The following TEAD1 variants were observed in gnomAD, a reference collection of about 807,000 sequenced individuals.
The protein encoded by TEAD1 is TEA domain transcription factor 1.
In TEAD1, 9 loss-of-function variants were observed where a neutral mutation model predicts 54.9. That is an observed-to-expected ratio of 0.16 (90% CI 0.10 to 0.29). The LOEUF is 0.29. Among genes scored for constraint, TEAD1 ranks in the 10% least tolerant of loss-of-function variants. TEAD1 has a pLI of 1.00. For synonymous variants in TEAD1, 200 were observed against 187.8 expected (o/e 1.07, Z -0.53); for missense variants, 387 against 535.9 (o/e 0.72, Z 2.74).
chr11:12,679,593 T>C (rs889040109), intron 2 of TEAD1, among the ~76,000 whole-genome samples: 7 of 152,212 alleles, frequency 4.6e-5, no homozygotes, highest in African/African-American at 1.7e-4. Flanking sequence ...TGAGAACATA[T>C]TGAACTTATA....
chr11:12,828,336 G>T (rs1946698920), intron 3 of TEAD1: 1 of 152,198 alleles, frequency 6.6e-6, no homozygotes, highest in African/African-American at 2.4e-5. Context: ...TGATGGCGCT[G>T]TATGTTCATA....
At chr11:12,686,455 A>AT (rs1293435326) in intron 2 of TEAD1, among the ~76,000 whole-genome samples, 1 of 152,292 alleles carries the variant, frequency 6.6e-6, no homozygotes, top group African/African-American at 2.4e-5. Context: ...ACTCATAAGT[A>AT]TTTTTTTAAA....
chr11:12,783,595 A>T (rs1243499010), intron 3 of TEAD1, among the ~76,000 whole-genome samples: 2 of 152,186 alleles, frequency 1.3e-5, no homozygotes, highest in Non-Finnish European at 2.9e-5. Context: ...TCACACACTG[A>T]CACTCAAGGT....
intron 5 of TEAD1, among the ~76,000 whole-genome samples, chr11:12,878,247 C>A (rs577709257): frequency 7.9e-5 from 12 of 152,208 alleles, no homozygotes; most frequent in African/African-American, 2.9e-4. Flanking sequence ...TCTTAGAAGC[C>A]CTTAGCAGTT....
chr11:12,926,839 T>C (rs879620316), intron 11 of TEAD1, among the ~76,000 whole-genome samples: 2 of 152,126 alleles, frequency 1.3e-5, no homozygotes, highest in Non-Finnish European at 2.9e-5. Flanking sequence ...AAGGTGGCTG[T>C]ATCATGAAAC....
At position 12,744,150 on chromosome 11, in the gene TEAD1, T is replaced by C. The variant is rs191370388; in HGVS notation, c.-54-20029T>C. On this transcript the variant is annotated intron_variant, in intron 2 of 12. Coordinates refer to ENST00000527636, the MANE Select transcript of TEAD1 (RefSeq NM_021961.6). ...GCGTTTGGACAGTGTCACATTAGAA[T>C]TTAGGGCTATTTAGAAAGCACTGAG... 5.9e-5 allele frequency among the ~76,000 whole-genome samples: 9 copies of C among 152,336 alleles called. No individual in the cohort carries two copies. In the East Asian group the frequency reaches 1.7e-3, roughly 29 times the overall value.
chr11:12,749,023 C>T (rs1459683210), intron 2 of TEAD1, among the ~76,000 whole-genome samples: 1 of 152,084 alleles, frequency 6.6e-6, no homozygotes, highest in Non-Finnish European at 1.5e-5. Flanking sequence ...TCTCCCAGGA[C>T]CTGGGAATCC....
rs537373783 is a variant in TEAD1 at position 12,716,937 on chromosome 11, C to G, written c.-55+41376C>G. On this transcript the variant is annotated intron_variant, in intron 2 of 12. Transcript: ENST00000527636. ...GCTGAATGGCTTCCCGCCCTGAGGT[C>G]ACAGCTTCTGCTGCTCCCAGGTGAC... Among the ~76,000 whole-genome samples the G allele has an allele frequency of 6.6e-5, 10 of 152,320 alleles. No homozygotes were observed. In the South Asian group the frequency reaches 1.5e-3, roughly 22 times the overall value.
At chr11:12,889,704 T>C (rs1948158851) in intron 9 of TEAD1, among the ~76,000 whole-genome samples, 1 of 152,178 alleles carries the variant, frequency 6.6e-6, no homozygotes, top group Admixed American at 6.5e-5. Context: ...GCTCAACATA[T>C]GAAACTCATT....
chr11:12,872,155 A>G (rs1244728358), intron 5 of TEAD1, among the ~76,000 whole-genome samples: 2 of 152,236 alleles, frequency 1.3e-5, no homozygotes, highest in Non-Finnish European at 2.9e-5. Context: ...GCATTGCTAA[A>G]GTCCACACTG....
At position 12,941,568 on chromosome 11, in the gene TEAD1, A is replaced by G. The variant is rs906058020; in HGVS notation, c.*4346A>G. ...TACATATTAATTTGTATAATTTTGT[A>G]TATGCTCTGGTACACTACCTGAACT... On this transcript the variant is annotated 3_prime_UTR_variant, in exon 13 of 13. Transcript: ENST00000527636. 2.6e-5 allele frequency: 4 copies of G among 152,624 alleles called. No individual in the cohort carries two copies. Among genetic ancestry groups the G allele is most frequent in the Admixed American group, 2.6e-4 (4 of 15,286 alleles). The allele number at this position is 152,624 out of a possible 1,614,324, so 9.5% of individuals were successfully genotyped here.
At chr11:12,820,192 GT>G (rs1474452881) in intron 3 of TEAD1, among the ~76,000 whole-genome samples, 1 of 152,148 alleles carries the variant, frequency 6.6e-6, no homozygotes, top group Non-Finnish European at 1.5e-5. Flanking sequence ...ACGTGATCTG[GT>G]TTGAATAATG....
At chr11:12,903,839 G>A (rs1190070128) in intron 10 of TEAD1, among the ~76,000 whole-genome samples, 1 of 152,296 alleles carries the variant, frequency 6.6e-6, no homozygotes, top group African/African-American at 2.4e-5. Flanking sequence ...GATAGTAGAT[G>A]TAGCCTTCTA....
intron 2 of TEAD1, among the ~76,000 whole-genome samples, chr11:12,690,655 G>A (rs1004544962): frequency 6.6e-6 from 1 of 152,212 alleles, no homozygotes; most frequent in Non-Finnish European, 1.5e-5. Flanking sequence ...GGCACACAAT[G>A]TACAGTGTCA....
At chr11:12,771,366 A>G (rs770839512) in intron 3 of TEAD1, among the ~76,000 whole-genome samples, 5 of 152,212 alleles carry the variant, frequency 3.3e-5, no homozygotes, top group Admixed American at 1.3e-4. Context: ...GACAAGTTAG[A>G]TGGCTGTTAC....
intron 9 of TEAD1, among the ~76,000 whole-genome samples, chr11:12,898,228 C>G (rs1329786079): frequency 6.6e-6 from 1 of 152,124 alleles, no homozygotes; most frequent in Non-Finnish European, 1.5e-5. Flanking sequence ...AGTCACTTGG[C>G]TTCACTGCTT....
intron 3 of TEAD1, among the ~76,000 whole-genome samples, chr11:12,782,295 A>T (rs768597855): frequency 6.6e-6 from 1 of 152,248 alleles, no homozygotes; most frequent in Non-Finnish European, 1.5e-5. Context: ...TGAAGTCTTA[A>T]TATGTACCAC....
chr11:12,824,805 G>A (rs1171291874), intron 3 of TEAD1, among the ~76,000 whole-genome samples: 2 of 152,190 alleles, frequency 1.3e-5, no homozygotes, highest in South Asian at 2.1e-4. Flanking sequence ...TGGCAGAACC[G>A]TGCTGACCTG....
chr11:12,723,795 A>T (rs1246013632), intron 2 of TEAD1, among the ~76,000 whole-genome samples: 1 of 152,242 alleles, frequency 6.6e-6, no homozygotes, highest in Non-Finnish European at 1.5e-5. Context: ...ATTGCCTGTA[A>T]CTGCTTTGCA....
Sources: allele counts gnomAD v4.1 joint callset (sites outside exome capture counted in the v4.1 genomes callset), GRCh38; gene constraint gnomAD v4.1.1; transcripts MANE v1.5; gene names NCBI Gene and HGNC (gene_info 2026-07-23, HGNC 2026-07-21).